FGF14: variants seen among roughly 807,000 people sequenced by gnomAD.
FGF14 encodes fibroblast growth factor 14.
In FGF14, 5 loss-of-function variants were observed where a neutral mutation model predicts 25.5. The ratio of observed to expected loss-of-function variants is 0.20; its 90% CI spans 0.10 to 0.41. The LOEUF is 0.41. FGF14 is among the 10% of genes least tolerant of loss of function. The pLI, the probability that FGF14 is intolerant of heterozygous loss-of-function variation, is 1.00. For missense variants in FGF14, 222 were observed against 320.1 expected (o/e 0.69, Z 2.34); for synonymous variants, 138 against 118.3 (o/e 1.17, Z -1.08).
chr13:102,067,715 A>T (rs1280360622), intron 1 of FGF14, among the ~76,000 whole-genome samples: 1 of 151,328 alleles, frequency 6.6e-6, no homozygotes, highest in Non-Finnish European at 1.5e-5. Flanking sequence ...AGACAGAGAG[A>T]GAGAGAGATT....
chr13:101,844,689 C>T (rs2043358264), intron 3 of FGF14, among the ~76,000 whole-genome samples: 1 of 152,108 alleles, frequency 6.6e-6, no homozygotes, highest in East Asian at 1.9e-4. Flanking sequence ...TCATTACATA[C>T]ATAGTGTACA....
intron 3 of FGF14, among the ~76,000 whole-genome samples, chr13:101,866,837 G>C (rs2044733189): frequency 6.6e-6 from 1 of 152,132 alleles, no homozygotes; most frequent in South Asian, 2.1e-4. Context: ...GACATACAGT[G>C]GCCTGGCCTA....
chr13:102,186,544 CATT>C (rs1283005835), intron 1 of FGF14, among the ~76,000 whole-genome samples: 1 of 152,112 alleles, frequency 6.6e-6, no homozygotes, highest in African/African-American at 2.4e-5. Context: ...TGAATAAACA[CATT>C]ATTTCACTGA....
At chr13:101,870,151 T>C (rs1352464289) in intron 2 of FGF14, among the ~76,000 whole-genome samples, 3 of 152,154 alleles carry the variant, frequency 2.0e-5, no homozygotes, top group Non-Finnish European at 2.9e-5. Flanking sequence ...GTTATTCTTA[T>C]GAAAGAATTA....
At chr13:101,799,604 T>G (rs564150853) in intron 3 of FGF14, among the ~76,000 whole-genome samples, 52 of 152,268 alleles carry the variant, frequency 3.4e-4, no homozygotes, top group South Asian at 2.1e-3. Flanking sequence ...GATAAATATA[T>G]AGTATGCACG....
intron 1 of FGF14, among the ~76,000 whole-genome samples, chr13:102,192,878 A>T (rs1280552806): frequency 6.6e-6 from 1 of 152,146 alleles, no homozygotes; most frequent in Non-Finnish European, 1.5e-5. Context: ...ATATTATTAT[A>T]TCTCTAGAAA....
chr13:102,066,380 T>C (rs2042904529), intron 1 of FGF14, among the ~76,000 whole-genome samples: 1 of 152,190 alleles, frequency 6.6e-6, no homozygotes, highest in South Asian at 2.1e-4. Context: ...AGGTTCTTAA[T>C]TTTCAACTGG....
intron 1 of FGF14, among the ~76,000 whole-genome samples, chr13:102,257,879 C>T (rs1594611045): frequency 6.6e-6 from 1 of 152,136 alleles, no homozygotes; most frequent in Admixed American, 6.5e-5. Flanking sequence ...AACCCATGTC[C>T]CTTTATGGCC....
intron 1 of FGF14, among the ~76,000 whole-genome samples, chr13:102,253,744 G>C (rs1228469168): frequency 1.3e-5 from 2 of 152,034 alleles, no homozygotes; most frequent in Non-Finnish European, 1.5e-5. Context: ...ACATATTTTC[G>C]ATCTGTGGTT....
intron 1 of FGF14, among the ~76,000 whole-genome samples, chr13:102,312,667 T>C (rs1370147877): frequency 6.6e-6 from 1 of 152,212 alleles, no homozygotes. Flanking sequence ...ACATCAGTGA[T>C]AGCCCTAGGA....
intron 2 of FGF14, among the ~76,000 whole-genome samples, chr13:101,870,162 GT>G (rs1026849026): frequency 6.6e-6 from 1 of 151,712 alleles, no homozygotes. Context: ...GAAAGAATTA[GT>G]TTTTTTTCCT....
chr13:102,172,729 T>C (rs936992112), intron 1 of FGF14, among the ~76,000 whole-genome samples: 1 of 152,152 alleles, frequency 6.6e-6, no homozygotes, highest in Non-Finnish European at 1.5e-5. Context: ...TTAAAGGCCC[T>C]TGTCTGCTCA....
At chr13:101,790,230 C>G (rs1313684157) in intron 3 of FGF14, among the ~76,000 whole-genome samples, 1 of 151,196 alleles carries the variant, frequency 6.6e-6, no homozygotes, top group Non-Finnish European at 1.5e-5. Flanking sequence ...TCCACTCTAC[C>G]TTTTTTAAAA....
chr13:101,794,860 A>G (rs1594274529), intron 3 of FGF14, among the ~76,000 whole-genome samples: 1 of 152,174 alleles, frequency 6.6e-6, no homozygotes, highest in African/African-American at 2.4e-5. Context: ...AGATTCTAAA[A>G]TATTTTATTC....
intron 3 of FGF14, among the ~76,000 whole-genome samples, chr13:101,800,858 G>C (rs1460894731): frequency 1.3e-5 from 2 of 151,990 alleles, no homozygotes; most frequent in South Asian, 4.2e-4. Flanking sequence ...TGCTCTAACA[G>C]AACTTTATTT....
intron 1 of FGF14, among the ~76,000 whole-genome samples, chr13:101,910,855 TGTG>T (rs2032856092): frequency 1.5e-5 from 2 of 137,344 alleles, no homozygotes; most frequent in Non-Finnish European, 3.0e-5. Context: ...TGTGTGTGTG[TGTG>T]TGTGTGTGTG....
intron 3 of FGF14, among the ~76,000 whole-genome samples, chr13:101,786,167 A>C (rs1223134992): frequency 6.6e-6 from 1 of 152,144 alleles, no homozygotes; most frequent in Non-Finnish European, 1.5e-5. Context: ...AGATTAGACC[A>C]CACCTTCAAC....
At chr13:101,799,840 A>C in intron 3 of FGF14, among the ~76,000 whole-genome samples, 1 of 152,114 alleles carries the variant, frequency 6.6e-6, no homozygotes, top group East Asian at 1.9e-4. Context: ...CAAGGGGAAA[A>C]GGACACCGAA....
intron 1 of FGF14, among the ~76,000 whole-genome samples, chr13:102,078,648 C>G (rs139607104): frequency 6.6e-6 from 1 of 152,126 alleles, no homozygotes; most frequent in African/African-American, 2.4e-5. Context: ...GGATTTGACG[C>G]TGCAGAGGGA....
Sources: allele counts gnomAD v4.1 joint callset (sites outside exome capture counted in the v4.1 genomes callset), GRCh38; gene constraint gnomAD v4.1.1; transcripts MANE v1.5; gene names NCBI Gene and HGNC (gene_info 2026-07-23, HGNC 2026-07-21).